Variants in FXYD6 observed in about 807,000 individuals in gnomAD.
The protein encoded by FXYD6 is FXYD domain containing ion transport regulator 6, also known as FXYD domain-containing ion transport regulator 6.
A neutral mutation model predicts 16.7 loss-of-function variants in FXYD6; 7 were observed. The observed-to-expected ratio is 0.42, with a 90% CI of 0.24 to 0.79. The LOEUF (loss-of-function observed/expected upper bound fraction) is 0.79, where lower values mean the gene tolerates loss of function less well. Ranked by LOEUF, FXYD6 falls within the 30% of genes least tolerant of loss-of-function variation. FXYD6 has a pLI of 0.28. For synonymous variants in FXYD6, 49 were observed against 43.0 expected (o/e 1.14, Z -0.54); for missense variants, 111 against 116.2 (o/e 0.95, Z 0.21).
intron 1 of FXYD6, among the ~76,000 whole-genome samples, chr11:117,858,730 T>A (rs2056825854): frequency 1.6e-5 from 1 of 61,070 alleles, no homozygotes; most frequent in Non-Finnish European, 3.2e-5. Flanking sequence ...CTTCCCTTCC[T>A]TCCTTCCTTC....
intron 1 of FXYD6, among the ~76,000 whole-genome samples, chr11:117,856,967 C>T (rs191490269): frequency 3.2e-4 from 49 of 152,164 alleles, no homozygotes; most frequent in Admixed American, 2.0e-3. Context: ...AGAGCAGTGG[C>T]CAGGAGGAAC....
In FXYD6 at chr11:117,842,824, C is replaced by A. The variant is rs1345292098; in HGVS notation, c.-5-43G>T. On this transcript the variant is annotated intron_variant, in intron 1 of 7. Transcript: ENST00000526014. ...AAAAAATGATTCTCTGGCTAAGAAG[C>A]CTCCATCCGTCAGCTCCAAGCGTCA... The A allele has an allele frequency of 2.6e-6, 4 of 1,547,524 alleles. No homozygotes were observed. In the South Asian group the frequency reaches 4.8e-5, roughly 18 times the overall value.
At chr11:117,840,507 T>C in intron 5 of FXYD6, 139 bp from the exon 6 acceptor site, 2 of 1,122,472 alleles carry the variant, frequency 1.8e-6, no homozygotes, top group Non-Finnish European at 2.6e-6. Context: ...CTCACTCTGC[T>C]GTGGGATGCA....
At chr11:117,873,253 GA>G (rs1301982379) in intron 1 of FXYD6, among the ~76,000 whole-genome samples, 15 of 152,184 alleles carry the variant, frequency 9.9e-5, no homozygotes, top group African/African-American at 3.6e-4. Flanking sequence ...CCTGTATTAT[GA>G]AATAATGAGT....
rs985149959 is a variant in FXYD6, at chr11:117,866,821, G to A, written c.-6+9771C>T. Among the ~76,000 whole-genome samples, 6 of 152,190 alleles carry A rather than the reference G, an allele frequency of 3.9e-5. No individual in the cohort carries two copies. In the South Asian group the frequency reaches 8.3e-4, roughly 21 times the overall value. On this transcript the variant is annotated intron_variant, in intron 1 of 7. Coordinates refer to ENST00000526014, the MANE Select transcript of FXYD6 (RefSeq NM_022003.4). The stretch of plus-strand genomic sequence containing the variant: ...TCCACTGGAGCTCAGCTCAGGGTGG[G>A]TGCCAACAGAACTACTAGCCGGCAG...
intron 4 of FXYD6, chr11:117,841,419 G>A (rs1014454379): frequency 5.0e-6 from 3 of 597,612 alleles, no homozygotes; most frequent in South Asian, 2.0e-5. Context: ...TGTGAGTAAA[G>A]AGGGATCTGT....
intron 1 of FXYD6, among the ~76,000 whole-genome samples, chr11:117,852,359 A>G (rs2056628994): frequency 6.6e-6 from 1 of 152,254 alleles, no homozygotes; most frequent in South Asian, 2.1e-4. Context: ...TTATGCAGCA[A>G]TAGAAAACTA....
intron 1 of FXYD6, among the ~76,000 whole-genome samples, chr11:117,847,461 C>G (rs1023367892): frequency 5.3e-5 from 8 of 151,418 alleles, no homozygotes; most frequent in African/African-American, 1.9e-4. Context: ...TGTGCTGCAC[C>G]CATTAACTCG....
intron 1 of FXYD6, among the ~76,000 whole-genome samples, chr11:117,856,307 A>T (rs928393521): frequency 1.3e-5 from 2 of 152,196 alleles, no homozygotes; most frequent in Admixed American, 1.3e-4. Flanking sequence ...TTCCATTGTG[A>T]AAATAACTCA....
At chr11:117,852,854 C>A (rs923870130) in intron 1 of FXYD6, among the ~76,000 whole-genome samples, 1 of 152,162 alleles carries the variant, frequency 6.6e-6, no homozygotes, top group African/African-American at 2.4e-5. Context: ...GTAATTATTT[C>A]ATATTTGTTT....
intron 1 of FXYD6, among the ~76,000 whole-genome samples, chr11:117,864,132 G>A (rs1029202655): frequency 1.1e-4 from 16 of 152,228 alleles, no homozygotes; most frequent in African/African-American, 3.6e-4. Flanking sequence ...AAGGGACCCT[G>A]GGTAGCCAAA....
chr11:117,857,339 G>C (rs1319276139), intron 1 of FXYD6, among the ~76,000 whole-genome samples: 1 of 151,996 alleles, frequency 6.6e-6, no homozygotes, highest in African/African-American at 2.4e-5. Flanking sequence ...TCTGTGTTGT[G>C]TAAGGTTAGA....
At chr11:117,857,680 T>G (rs1172496257) in intron 1 of FXYD6, among the ~76,000 whole-genome samples, 4 of 152,136 alleles carry the variant, frequency 2.6e-5, no homozygotes, top group Admixed American at 6.5e-5. Flanking sequence ...GTGCTGGAAT[T>G]ACAGGCATGA....
intron 1 of FXYD6, among the ~76,000 whole-genome samples, chr11:117,855,407 C>T (rs1353248754): frequency 1.3e-5 from 2 of 152,052 alleles, no homozygotes; most frequent in Non-Finnish European, 2.9e-5. Context: ...TGGCACTGCC[C>T]CTGAGTCGAG....
chr11:117,839,715 C>A, intron 7 of FXYD6, 66 bp downstream of exon 7: 3 of 1,591,506 alleles, frequency 1.9e-6, no homozygotes, highest in Non-Finnish European at 2.6e-6. Context: ...CCGCCTGAAC[C>A]CCTGTCCAGG....
In FXYD6 at chr11:117,861,006, T is replaced by C. The variant is rs577801866; in HGVS notation, c.-6+15586A>G. 5.6e-3 allele frequency among the ~76,000 whole-genome samples: 854 copies of C among 152,254 alleles called. 1 individual carries two copies. The highest frequency in any genetic ancestry group is 1.0e-2 in the Non-Finnish European group (678 of 68,000). On this transcript the variant is annotated intron_variant, in intron 1 of 7. Transcript: ENST00000526014. ...GCTCCAGGGTCCTTGCTCTGAGCAC[T>C]CAGCTCTCCCTCCTCTCTGCCACTC...
Position 117,838,003 on chromosome 11 carries a change from A to T in FXYD6, c.*296T>A. On this transcript the variant is annotated 3_prime_UTR_variant, in exon 8 of 8. Transcript: ENST00000526014. ...AACAAACACAATACCATCCACAAAC[A>T]AGTAGCCACAAAGACCACAGTTAGC... 1 of 600,088 alleles carries T rather than the reference A, an allele frequency of 1.7e-6. No individual in the cohort carries two copies. The highest frequency in any genetic ancestry group is 3.0e-6 in the Non-Finnish European group (1 of 334,652). 37.2% of individuals were successfully genotyped at this position (600,088 alleles called of 1,614,324 possible). A position where few individuals can be genotyped will look rare whatever the true frequency, so the allele number is the denominator to read the frequency against.
intron 1 of FXYD6, among the ~76,000 whole-genome samples, chr11:117,852,517 C>A (rs2056633989): frequency 6.6e-6 from 1 of 152,184 alleles, no homozygotes; most frequent in South Asian, 2.1e-4. Flanking sequence ...ATCATCATTC[C>A]TTTATAGATG....
chr11:117,871,030 T>A (rs936601869), intron 1 of FXYD6, among the ~76,000 whole-genome samples: 1 of 152,174 alleles, frequency 6.6e-6, no homozygotes, highest in Non-Finnish European at 1.5e-5. Context: ...TTTTCAGGCA[T>A]TTAAAACTTT....
Sources: allele counts gnomAD v4.1 joint callset (sites outside exome capture counted in the v4.1 genomes callset), GRCh38; gene constraint gnomAD v4.1.1; transcripts MANE v1.5; gene names NCBI Gene and HGNC (gene_info 2026-07-23, HGNC 2026-07-21).